Variants in FRMD5 observed in about 807,000 individuals in gnomAD.
The protein encoded by FRMD5 is FERM domain containing 5.
FRMD5 carries 20 observed loss-of-function variants against 69.0 expected under a neutral mutation model. That is an observed-to-expected ratio of 0.29 (90% CI 0.20 to 0.42). The LOEUF (loss-of-function observed/expected upper bound fraction) is 0.42. Among genes scored for constraint, FRMD5 ranks in the 10% least tolerant of loss-of-function variants. The pLI is 1.00. For missense variants in FRMD5, 595 were observed against 708.6 expected (o/e 0.84, Z 1.82); for synonymous variants, 271 against 260.1 (o/e 1.04, Z -0.40).
At chr15:44,176,527 A>G (rs2077897374) in intron 1 of FRMD5, among the ~76,000 whole-genome samples, 1 of 152,180 alleles carries the variant, frequency 6.6e-6, no homozygotes, top group African/African-American at 2.4e-5. Context: ...TAAGATTATT[A>G]AATTGGACTC....
At chr15:44,004,556 T>C (rs1174631029) in intron 1 of FRMD5, among the ~76,000 whole-genome samples, 1 of 152,248 alleles carries the variant, frequency 6.6e-6, no homozygotes, top group Non-Finnish European at 1.5e-5. Context: ...GTTACTACTA[T>C]ACTTGCTTTG....
intron 1 of FRMD5, among the ~76,000 whole-genome samples, chr15:44,054,484 G>C (rs981749870): frequency 1.3e-5 from 2 of 152,138 alleles, no homozygotes; most frequent in African/African-American, 4.8e-5. Flanking sequence ...ATTCTTGAGT[G>C]AATGCAAAAA....
chr15:44,095,077 G>T (rs2140499732), intron 1 of FRMD5, among the ~76,000 whole-genome samples: 1 of 152,002 alleles, frequency 6.6e-6, no homozygotes, highest in East Asian at 1.9e-4. Context: ...CCAAGCATAA[G>T]ACTCATCTAG....
At chr15:44,015,595 T>C (rs1259039030) in intron 1 of FRMD5, among the ~76,000 whole-genome samples, 9 of 152,250 alleles carry the variant, frequency 5.9e-5, no homozygotes. Flanking sequence ...GGTCATTCTT[T>C]TTAATTTCAG....
At chr15:43,901,314 A>C (rs1380687321) in intron 7 of FRMD5, among the ~76,000 whole-genome samples, 2 of 152,180 alleles carry the variant, frequency 1.3e-5, no homozygotes, top group African/African-American at 4.8e-5. Flanking sequence ...TGTTACAGAA[A>C]CCCTAGGAAC....
rs545957963 is a variant in FRMD5, at chr15:43,872,163, A to G, written c.*1722T>C. On this transcript the variant is annotated 3_prime_UTR_variant, in exon 14 of 14. Transcript: ENST00000417257. ...AAATATTTACTGTGTAGCACTTGAC[A>G]TAAGTTGATTGACCTCTGGTCCAGA... is the stretch of plus-strand genomic sequence containing the variant. The G allele has an allele frequency of 1.1e-4, 17 of 151,822 alleles. No homozygotes were observed. Among genetic ancestry groups the G allele is most frequent in the African/African-American group, 3.4e-4 (14 of 41,320 alleles). The allele number at this position is 151,822 out of a possible 1,614,324, so 9.4% of individuals were successfully genotyped here.
chr15:43,891,796 C>G (rs1187991132), intron 8 of FRMD5, among the ~76,000 whole-genome samples, 185 bp downstream of exon 8: 1 of 152,156 alleles, frequency 6.6e-6, no homozygotes, highest in East Asian at 1.9e-4. Context: ...CTCAGGGACA[C>G]CCCTTTAGAA....
At chr15:44,097,027 T>C (rs918109183) in intron 1 of FRMD5, among the ~76,000 whole-genome samples, 13 of 152,196 alleles carry the variant, frequency 8.5e-5, no homozygotes, top group Non-Finnish European at 1.8e-4. Flanking sequence ...AAGTAGAGAA[T>C]GGATGTCTCG....
At chr15:44,190,165 CAT>C (rs1191343037) in intron 1 of FRMD5, among the ~76,000 whole-genome samples, 1 of 152,188 alleles carries the variant, frequency 6.6e-6, no homozygotes, top group Non-Finnish European at 1.5e-5. Flanking sequence ...TAACTAGACA[CAT>C]TTGAGAGACG....
rs536743627 is a variant in FRMD5, at chr15:43,962,799, A to G, written c.103-38490T>C. Among the ~76,000 whole-genome samples, 355 of 152,354 alleles carry G rather than the reference A, an allele frequency of 2.3e-3. 1 individual carries two copies. The highest frequency in any genetic ancestry group is 6.8e-3 in the Middle Eastern group (2 of 294). ...TTGACAAACCTGAGAAAAACAAGCA[A>G]TGGGGAAAGGATTCCCTATTTAATA... is the stretch of plus-strand genomic sequence containing the variant. On this transcript the variant is annotated intron_variant, in intron 1 of 13. Transcript: ENST00000417257.
At chr15:44,124,468 G>A (rs1250052368) in intron 1 of FRMD5, among the ~76,000 whole-genome samples, 1 of 151,924 alleles carries the variant, frequency 6.6e-6, no homozygotes, top group Admixed American at 6.6e-5. Context: ...GGGAGGCCAA[G>A]GCAGGCAGAT....
At chr15:43,900,332 C>CA in intron 7 of FRMD5, among the ~76,000 whole-genome samples, 1 of 152,152 alleles carries the variant, frequency 6.6e-6, no homozygotes, top group East Asian at 1.9e-4. Context: ...ACACAGAGGG[C>CA]ATTGTTTGGA....
chr15:43,918,895 G>A (rs1361633536), intron 4 of FRMD5: 1 of 165,478 alleles, frequency 6.0e-6, no homozygotes, highest in Non-Finnish European at 1.3e-5. Flanking sequence ...TCATCCTCAA[G>A]TGGCGCTGGA....
At chr15:43,949,276 G>A (rs554847799) in intron 1 of FRMD5, among the ~76,000 whole-genome samples, 1 of 152,240 alleles carries the variant, frequency 6.6e-6, no homozygotes, top group South Asian at 2.1e-4. Context: ...CTTCCCCTCA[G>A]TCCCATCCAC....
At chr15:43,954,395 T>C (rs1323108580) in intron 1 of FRMD5, among the ~76,000 whole-genome samples, 1 of 152,144 alleles carries the variant, frequency 6.6e-6, no homozygotes, top group Non-Finnish European at 1.5e-5. Flanking sequence ...AAAGGTTATA[T>C]TTACAGACCC....
intron 1 of FRMD5, among the ~76,000 whole-genome samples, chr15:43,960,133 G>A (rs934120888): frequency 6.6e-6 from 1 of 152,162 alleles, no homozygotes; most frequent in Admixed American, 6.5e-5. Flanking sequence ...CTGTCGCCCA[G>A]GCTGGAGTGC....
chr15:44,158,775 G>C (rs2140492704), intron 1 of FRMD5, among the ~76,000 whole-genome samples: 1 of 152,308 alleles, frequency 6.6e-6, no homozygotes, highest in East Asian at 1.9e-4. Context: ...TTGCATAGCT[G>C]ATAGGAAGCT....
chr15:43,939,721 C>CTAA (rs1369571181), intron 1 of FRMD5, among the ~76,000 whole-genome samples: 1 of 152,070 alleles, frequency 6.6e-6, no homozygotes, highest in Non-Finnish European at 1.5e-5. Context: ...ACAGGCCCAG[C>CTAA]TAATGTTGGT....
At chr15:44,007,936 G>T (rs907710573) in intron 1 of FRMD5, among the ~76,000 whole-genome samples, 1 of 151,902 alleles carries the variant, frequency 6.6e-6, no homozygotes, top group Non-Finnish European at 1.5e-5. Context: ...GAGCCACTGC[G>T]CCTGGCTGCT....
Sources: gnomAD v4.1 joint callset for allele counts (sites outside exome capture counted in the v4.1 genomes callset) on GRCh38, gnomAD v4.1.1 for gene constraint, MANE v1.5 for transcripts, NCBI Gene and HGNC (gene_info 2026-07-23, HGNC 2026-07-21) for gene names.